Variants in PRKAG2 observed in about 807,000 individuals in gnomAD.
The protein encoded by PRKAG2 is protein kinase AMP-activated non-catalytic subunit gamma 2, also known as 5'-AMP-activated protein kinase subunit gamma-2.
A neutral mutation model predicts 69.6 loss-of-function variants in PRKAG2; 26 were observed. That is an observed-to-expected ratio of 0.37 (90% confidence interval 0.27 to 0.52). PRKAG2 has a LOEUF of 0.52. Among genes scored for constraint, PRKAG2 ranks in the 20% least tolerant of loss-of-function variants. The pLI, the probability that PRKAG2 is intolerant of heterozygous loss-of-function variation, is 0.90. For synonymous variants in PRKAG2, 293 were observed against 285.0 expected (o/e 1.03, Z -0.28); for missense variants, 557 against 740.0 (o/e 0.75, Z 2.87).
At chr7:151,593,168 G>A (rs1482065318) in intron 6 of PRKAG2, among the ~76,000 whole-genome samples, 1 of 152,148 alleles carries the variant, frequency 6.6e-6, no homozygotes, top group Non-Finnish European at 1.5e-5. Flanking sequence ...AGTCAAATCA[G>A]CTGTTACTTG....
At chr7:151,758,036 C>T (rs1031497305) in intron 3 of PRKAG2, among the ~76,000 whole-genome samples, 27 of 152,226 alleles carry the variant, frequency 1.8e-4, no homozygotes, top group African/African-American at 6.5e-4. Context: ...GTATATTCTC[C>T]ACCTTTTGCT....
At chr7:151,675,078 A>G (rs1274311478) in intron 4 of PRKAG2, 2 of 360,548 alleles carry the variant, frequency 5.5e-6, no homozygotes, top group Non-Finnish European at 1.1e-5. Flanking sequence ...ACGCCACCAC[A>G]CCCAGCTAAT....
At chr7:151,704,144 T>C (rs1838219895) in intron 3 of PRKAG2, among the ~76,000 whole-genome samples, 1 of 152,150 alleles carries the variant, frequency 6.6e-6, no homozygotes, top group African/African-American at 2.4e-5. Context: ...CAATGTGAAA[T>C]AAGCTGGTCA....
At chr7:151,624,733 C>T (rs1394699766) in intron 5 of PRKAG2, among the ~76,000 whole-genome samples, 8 of 152,174 alleles carry the variant, frequency 5.3e-5, no homozygotes, top group Non-Finnish European at 8.8e-5. Flanking sequence ...CACCCACCGT[C>T]GGGTGGAGAA....
At chr7:151,678,418 T>C (rs978407773) in intron 3 of PRKAG2, among the ~76,000 whole-genome samples, 4 of 152,112 alleles carry the variant, frequency 2.6e-5, no homozygotes, top group South Asian at 2.1e-4. Flanking sequence ...GGTGAATCTG[T>C]TCCTCTCTGT....
intron 5 of PRKAG2, among the ~76,000 whole-genome samples, chr7:151,604,933 T>C (rs1316928175): frequency 6.6e-6 from 1 of 152,200 alleles, no homozygotes; most frequent in Non-Finnish European, 1.5e-5. Flanking sequence ...CCTCTGTAAC[T>C]GGGTTCCAGG....
At chr7:151,652,576 T>C (rs1411303390) in intron 4 of PRKAG2, among the ~76,000 whole-genome samples, 1 of 152,202 alleles carries the variant, frequency 6.6e-6, no homozygotes, top group African/African-American at 2.4e-5. Context: ...TTAGTATATG[T>C]GCTGTCAAAG....
At chr7:151,642,456 G>A (rs1271612120) in intron 4 of PRKAG2, among the ~76,000 whole-genome samples, 1 of 152,146 alleles carries the variant, frequency 6.6e-6, no homozygotes, top group Non-Finnish European at 1.5e-5. Flanking sequence ...TTGACTCCAC[G>A]AGTTCAAGGC....
intron 1 of PRKAG2, among the ~76,000 whole-genome samples, chr7:151,815,539 A>C (rs2078616136): frequency 6.6e-6 from 1 of 152,070 alleles, no homozygotes. Flanking sequence ...TATTCACAGA[A>C]ACCACAATAA....
intron 5 of PRKAG2, among the ~76,000 whole-genome samples, chr7:151,599,891 A>G (rs1238484677): frequency 1.3e-5 from 2 of 150,850 alleles, no homozygotes; most frequent in African/African-American, 2.4e-5. Flanking sequence ...TGTATTAAAC[A>G]CTCCTGCTCC....
At chr7:151,833,897 G>A (rs4636116) in intron 1 of PRKAG2, among the ~76,000 whole-genome samples, 29,093 of 152,212 alleles carry the variant, frequency 0.19, 3,160 homozygotes, top group South Asian at 0.36. Flanking sequence ...CACTGCCCCC[G>A]CTGGGAGCCT....
In PRKAG2 at chr7:151,699,849, A is replaced by G. The variant is rs377659315; in HGVS notation, c.467-24212T>C. 2.9e-4 allele frequency among the ~76,000 whole-genome samples: 44 copies of G among 152,192 alleles called. No individual in the cohort carries two copies. Among genetic ancestry groups the G allele is most frequent in the African/African-American group, 1.1e-3 (44 of 41,440 alleles). ...GGTTCTTGATATAGGCTGGTCTTTA[A>G]GAAGGACTGGGACTAAGATAAACTG... is the stretch of plus-strand genomic sequence containing the variant. On this transcript the variant is annotated intron_variant, in intron 3 of 15. Coordinates refer to ENST00000287878, the MANE Select transcript of PRKAG2 (RefSeq NM_016203.4). This position sits in a 1 kb window ranked among gnomAD's most constrained non-coding sequence, Gnocchi z 4.5.
At chr7:151,622,726 A>T (rs1321443816) in intron 5 of PRKAG2, among the ~76,000 whole-genome samples, 2 of 152,230 alleles carry the variant, frequency 1.3e-5, no homozygotes, top group Non-Finnish European at 2.9e-5. Flanking sequence ...ACAAACATCC[A>T]ATCGCAAAAG....
intron 6 of PRKAG2, among the ~76,000 whole-genome samples, chr7:151,581,795 A>G (rs1218092644): frequency 2.0e-5 from 3 of 152,126 alleles, no homozygotes; most frequent in Non-Finnish European, 4.4e-5. Flanking sequence ...ACACTCAAAT[A>G]TGATGATTAT....
At chr7:151,820,497 C>T (rs1161666789) in intron 1 of PRKAG2, among the ~76,000 whole-genome samples, 1 of 100,178 alleles carries the variant, frequency 1.0e-5, no homozygotes, top group South Asian at 4.4e-4. Flanking sequence ...AACACCGCTC[C>T]GTGGCCTGGC....
chr7:151,675,302 T>C, intron 4 of PRKAG2, 118 bp downstream of exon 4: 7 of 955,686 alleles, frequency 7.3e-6, no homozygotes, highest in East Asian at 2.6e-5. Context: ...ATCCTGAAGA[T>C]GTCGGGAGCA....
At chr7:151,698,635 C>T (rs1837120880) in intron 3 of PRKAG2, among the ~76,000 whole-genome samples, 1 of 152,164 alleles carries the variant, frequency 6.6e-6, no homozygotes, top group African/African-American at 2.4e-5. Context: ...TGGAAGCTTC[C>T]TGAGGCCTCG....
chr7:151,747,201 C>T (rs985607575), intron 3 of PRKAG2, among the ~76,000 whole-genome samples: 7 of 152,100 alleles, frequency 4.6e-5, no homozygotes, highest in African/African-American at 9.7e-5. Flanking sequence ...GATGTGTTGA[C>T]GCATATAGGG....
chr7:151,825,582 C>T (rs958569910), intron 1 of PRKAG2, among the ~76,000 whole-genome samples: 10 of 152,204 alleles, frequency 6.6e-5, no homozygotes, highest in African/African-American at 1.9e-4. Context: ...GCACAAGTCT[C>T]CGCCCTCCAG....
Sources: gnomAD v4.1 joint callset for allele counts (sites outside exome capture counted in the v4.1 genomes callset) on GRCh38, gnomAD v4.1.1 for gene constraint, Gnocchi (gnomAD v3.1) non-coding constraint, MANE v1.5 for transcripts, NCBI Gene and HGNC (gene_info 2026-07-23, HGNC 2026-07-21) for gene names.